The following CRACR2A variants were observed in gnomAD, a reference collection of about 807,000 sequenced individuals.
CRACR2A encodes the protein calcium release activated channel regulator 2A.
Under a neutral mutation model 90.5 loss-of-function variants are expected in CRACR2A, and 79 were observed. The ratio of observed to expected loss-of-function variants is 0.87; its 90% confidence interval spans 0.73 to 1.05. CRACR2A has a LOEUF of 1.05. Among genes scored for constraint, CRACR2A ranks in the 50% least tolerant of loss-of-function variants. The pLI, the probability that CRACR2A is intolerant of heterozygous loss-of-function variation, is 0.00. For missense variants in CRACR2A, 823 were observed against 897.2 expected (o/e 0.92, Z 1.06); for synonymous variants, 338 against 356.7 (o/e 0.95, Z 0.59).
chr12:3,643,485 A>G lies in CRACR2A; in HGVS notation c.1164+1110T>C, dbSNP rs889959130. 6.6e-5 allele frequency among the ~76,000 whole-genome samples: 10 copies of G among 151,986 alleles called. No individual in the cohort carries two copies. The South Asian group carries it at 1.7e-3, about 25-fold the overall frequency. ...CAGTAAATGACTTGCCCAGGGACCCACATGAAATTCATAGGATGGTAACCC... is the reference window on the plus strand; with the variant it reads ...CAGTAAATGACTTGCCCAGGGACCCGCATGAAATTCATAGGATGGTAACCC... On this transcript the variant is annotated intron_variant, in intron 12 of 19. Coordinates refer to ENST00000440314, the MANE Select transcript of CRACR2A (RefSeq NM_001144958.2).
Position 3,617,135 on chromosome 12 carries a change from T to G in CRACR2A, c.2035-105A>C, listed in dbSNP as rs1867703025. 7.5e-6 allele frequency: 6 copies of G among 804,036 alleles called. No individual in the cohort carries two copies. The Admixed American group carries it at 1.2e-4, about 17-fold the overall frequency. The allele number at this position is 804,036 out of a possible 1,614,324, so 49.8% of individuals were successfully genotyped here. A position where few individuals can be genotyped will look rare whatever the true frequency, so the allele number is the denominator to read the frequency against. On this transcript the variant is annotated intron_variant, in intron 18 of 19. Coordinates refer to ENST00000440314, the MANE Select transcript of CRACR2A (RefSeq NM_001144958.2). ...GCATCTACCTACAGCCTTCACTTCC[T>G]CTCGCAGCCCCTTGACCTTCCTCAT...
chr12:3,682,792 T>G (rs1310224373), intron 4 of CRACR2A, among the ~76,000 whole-genome samples: 1 of 145,658 alleles, frequency 6.9e-6, no homozygotes, highest in East Asian at 2.1e-4. Context: ...TTTTTATTAT[T>G]ACTTTTTTTT....
chr12:3,697,286 G>A (rs539586903), intron 3 of CRACR2A, among the ~76,000 whole-genome samples: 1 of 152,178 alleles, frequency 6.6e-6, no homozygotes, highest in Non-Finnish European at 1.5e-5. Flanking sequence ...AGATTGAAAG[G>A]AGATGGAATA....
At chr12:3,717,257 A>G (rs1946095824) in intron 2 of CRACR2A, among the ~76,000 whole-genome samples, 1 of 152,148 alleles carries the variant, frequency 6.6e-6, no homozygotes, top group Non-Finnish European at 1.5e-5. Context: ...GGGACTTCAG[A>G]GTGAGGCTGT....
intron 6 of CRACR2A, 105 bp downstream of exon 6, chr12:3,678,810 C>T: frequency 2.3e-6 from 3 of 1,300,328 alleles, no homozygotes; most frequent in Non-Finnish European, 3.2e-6. Flanking sequence ...CATTCCAGTG[C>T]AGGGACCAGC....
rs1946618048 is a variant in CRACR2A at position 3,745,866 on chromosome 12, T to C, written c.-387+7149A>G. 2.2e-5 allele frequency among the ~76,000 whole-genome samples: 3 copies of C among 135,978 alleles called. No individual in the cohort carries two copies. The South Asian group carries it at 7.5e-4, about 34-fold the overall frequency. 89.2% of individuals were successfully genotyped at this position (135,978 alleles called of 152,430 possible). ...AAGAGAAAAGAAAAAAGAAATAGTA[T>C]CTTTGACAAACCATCTCCTTCCCTA... On this transcript the variant is annotated intron_variant, in intron 1 of 19. Transcript: ENST00000440314.
At chr12:3,733,973 A>ATTTTATTT (rs1946401538) in intron 1 of CRACR2A, among the ~76,000 whole-genome samples, 1 of 99,796 alleles carries the variant, frequency 1.0e-5, no homozygotes. Flanking sequence ...ATTTTGCCTT[A>ATTTTATTT]TTTTTTTTTT....
chr12:3,722,489 G>C (rs1452067526), intron 2 of CRACR2A, among the ~76,000 whole-genome samples: 2 of 152,180 alleles, frequency 1.3e-5, no homozygotes, highest in Non-Finnish European at 2.9e-5. Flanking sequence ...AGGCCGTGGG[G>C]ACCTGGAATG....
chr12:3,734,700 T>A (rs73247870), intron 1 of CRACR2A, among the ~76,000 whole-genome samples: 21,929 of 151,902 alleles, frequency 0.14, 1,733 homozygotes, highest in Middle Eastern at 0.17. Context: ...AAGAAAACCC[T>A]ACCATTTGCG....
intron 10 of CRACR2A, among the ~76,000 whole-genome samples, chr12:3,653,910 A>G (rs1050165816): frequency 1.3e-5 from 2 of 152,218 alleles, no homozygotes; most frequent in African/African-American, 2.4e-5. Flanking sequence ...AAAGTAACAT[A>G]TGAGTACATA....
chr12:3,719,025 G>A (rs7305628), intron 2 of CRACR2A, among the ~76,000 whole-genome samples: 20,758 of 152,202 alleles, frequency 0.14, 1,612 homozygotes, highest in Admixed American at 0.23. Flanking sequence ...GACCAGGTCA[G>A]GAGGGGAATT....
Position 3,711,055 on chromosome 12 carries a change from C to A in CRACR2A, c.-37+2182G>T, listed in dbSNP as rs942871591. On this transcript the variant is annotated intron_variant, in intron 3 of 19. Coordinates refer to ENST00000440314, the MANE Select transcript of CRACR2A (RefSeq NM_001144958.2). The surrounding 1 kb of genome is among the most constrained non-coding windows in gnomAD (Gnocchi z 4.3). ...TCCAACAGCCTCAAAAGTCTCAACTCGTTCTAGCATAAACTCAAAGGCAGA... is the reference window on the plus strand; with the variant it reads ...TCCAACAGCCTCAAAAGTCTCAACTAGTTCTAGCATAAACTCAAAGGCAGA... Among the ~76,000 whole-genome samples the A allele has an allele frequency of 6.6e-6, 1 of 152,182 alleles. No homozygotes were observed. The highest frequency in any genetic ancestry group is 1.9e-4 in the East Asian group (1 of 5,190).
Position 3,616,937 on chromosome 12 carries a change from G to A in CRACR2A, c.2111+17C>T, listed in dbSNP as rs1212338203. 3 of 1,543,902 alleles carry A rather than the reference G, an allele frequency of 1.9e-6. No homozygotes were observed. Among genetic ancestry groups the A allele is most frequent in the African/African-American group, 1.4e-5 (1 of 72,996 alleles). On this transcript the variant is annotated intron_variant, in intron 19 of 19. Transcript: ENST00000440314. ...TGGACACAGCAGTTACTGCACCTGGGGAGCACATCTCTTTACCTGGCCAGA... is the reference window on the plus strand; with the variant it reads ...TGGACACAGCAGTTACTGCACCTGGAGAGCACATCTCTTTACCTGGCCAGA...
intron 2 of CRACR2A, chr12:3,731,068 T>C (rs1259718137): frequency 2.0e-5 from 3 of 152,208 alleles, no homozygotes; most frequent in Non-Finnish European, 4.4e-5. Flanking sequence ...GCAGAAAAGT[T>C]GGCAGCATTG....
chr12:3,679,492 G>A (rs949186650), intron 5 of CRACR2A, among the ~76,000 whole-genome samples: 1 of 152,032 alleles, frequency 6.6e-6, no homozygotes, highest in African/African-American at 2.4e-5. Flanking sequence ...TCATCCTCCC[G>A]CTAGCATCAC....
At chr12:3,651,548 G>C (rs1399166674) in intron 10 of CRACR2A, among the ~76,000 whole-genome samples, 1 of 152,120 alleles carries the variant, frequency 6.6e-6, no homozygotes, top group East Asian at 1.9e-4. Flanking sequence ...TTATCTCTCT[G>C]CTTGATAGTT....
chr12:3,648,488 G>C (rs140018162), intron 11 of CRACR2A, 54 bp downstream of exon 11: 1 of 1,613,282 alleles, frequency 6.2e-7, no homozygotes, highest in South Asian at 1.1e-5. Context: ...TGGTCCTTCC[G>C]ACCCCAGGCT....
chr12:3,656,374 C>T lies in CRACR2A; in HGVS notation c.795G>A (p.Glu265=), dbSNP rs751606496. The stretch of plus-strand genomic sequence containing the variant: ...CCTTACATAACAGTTTCTGCTCCAG[C>T]TCTTGACTGCGGGCTTGAAACCTCT... ...DTERFQARSQ[E]LEQKLLCKEQ... Residue 265 remains glutamate, a synonymous_variant, in exon 9 of 20, where the codon GAG becomes GAA. Coordinates refer to ENST00000440314, the MANE Select transcript of CRACR2A (RefSeq NM_001144958.2). 5 of 1,614,154 alleles carry T rather than the reference C, an allele frequency of 3.1e-6. No homozygotes were observed. Among genetic ancestry groups the T allele is most frequent in the Admixed American group, 3.3e-5 (2 of 60,012 alleles).
chr12:3,640,590 T>C, intron 13 of CRACR2A: 1 of 1,293,328 alleles, frequency 7.7e-7, no homozygotes, highest in African/African-American at 1.5e-5. Flanking sequence ...TCCCAAATTG[T>C]ATCTCATTAT....
Sources: gnomAD v4.1 joint callset for allele counts (sites outside exome capture counted in the v4.1 genomes callset) on GRCh38, gnomAD v4.1.1 for gene constraint, Gnocchi (gnomAD v3.1) non-coding constraint, MANE v1.5 for transcripts, NCBI Gene and HGNC (gene_info 2026-07-23, HGNC 2026-07-21) for gene names.